The following IPCEF1 variants were observed in gnomAD, a reference collection of about 807,000 sequenced individuals.
IPCEF1 encodes interaction protein for cytohesin exchange factors 1, also known as interactor protein for cytohesin exchange factors 1.
Under a neutral mutation model 50.9 loss-of-function variants are expected in IPCEF1, and 31 were observed. The ratio of observed to expected loss-of-function variants is 0.61; its 90% CI spans 0.46 to 0.82. The LOEUF is 0.82. Among genes scored for constraint, IPCEF1 ranks in the 40% least tolerant of loss-of-function variants. The pLI, the probability that IPCEF1 is intolerant of heterozygous loss-of-function variation, is 0.00. For synonymous variants in IPCEF1, 181 were observed against 192.0 expected, an observed-to-expected ratio of 0.94 and a Z score of 0.47; for missense variants, 458 against 514.0, an observed-to-expected ratio of 0.89 and a Z score of 1.05.
At chr6:154,235,514 A>G (rs1780049136) in intron 5 of IPCEF1, among the ~76,000 whole-genome samples, 1 of 144,464 alleles carries the variant, frequency 6.9e-6, no homozygotes. Flanking sequence ...CTGGGCGACA[A>G]GAGCAAAACT....
At chr6:154,180,415 T>TATATATA (rs1491475267) in intron 10 of IPCEF1, among the ~76,000 whole-genome samples, 108 of 29,328 alleles carry the variant, frequency 3.7e-3, no homozygotes, top group African/African-American at 0.014. Context: ...TATATATATA[T>TATATATA]TTTTTTTTTA....
chr6:154,275,382 T>C (rs1333335052), intron 2 of IPCEF1, among the ~76,000 whole-genome samples: 2 of 152,176 alleles, frequency 1.3e-5, no homozygotes, highest in Non-Finnish European at 2.9e-5. Flanking sequence ...CTACAGTCTG[T>C]TCCATGAGCA....
At chr6:154,242,674 G>A (rs908869363) in intron 5 of IPCEF1, among the ~76,000 whole-genome samples, 13 of 152,170 alleles carry the variant, frequency 8.5e-5, no homozygotes, top group African/African-American at 2.9e-4. Context: ...ATCACTTGAG[G>A]TCAGGAGTTC....
chr6:154,319,750 A>G (rs1326086484), intron 1 of IPCEF1, among the ~76,000 whole-genome samples: 2 of 152,256 alleles, frequency 1.3e-5, no homozygotes, highest in African/African-American at 4.8e-5. Context: ...CTTCAAGATT[A>G]GCAAGATCGT....
At position 154,223,188 on chromosome 6, in the gene IPCEF1, G is replaced by A. The variant is rs771326743; in HGVS notation, c.302C>T (p.Ser101Phe). 2 of 1,613,634 alleles carry A rather than the reference G, an allele frequency of 1.2e-6. No individual in the cohort carries two copies. The highest frequency in any genetic ancestry group is 1.7e-6 in the Non-Finnish European group (2 of 1,179,862). ...NLPDFTVERA[S>F]ECKKKHAFKI... ...AACTTACTGCTTTTTCTTGCATTCAGATGCTCTTTCCACAGTGAAATCAGG... is the reference window on the plus strand; with the variant it reads ...AACTTACTGCTTTTTCTTGCATTCAAATGCTCTTTCCACAGTGAAATCAGG... Residue 101 changes from serine (S) to phenylalanine (F), a missense_variant, in exon 6 of 12, where the codon TCT (serine) becomes TTT (phenylalanine). Physicochemically the swap from Ser to Phe is radical, Grantham distance 155 (BLOSUM62 -2). Coordinates refer to ENST00000367220, the MANE Select transcript of IPCEF1 (RefSeq NM_001130700.2).
chr6:154,351,400 C>A (rs1230460774), intron 1 of IPCEF1, among the ~76,000 whole-genome samples: 1 of 152,118 alleles, frequency 6.6e-6, no homozygotes, highest in Non-Finnish European at 1.5e-5. Context: ...TACGTGGTAC[C>A]ACCTGACTGC....
In IPCEF1 at chr6:154,299,929, T is replaced by A. The variant is rs1229356195; in HGVS notation, c.-61-10173A>T. On this transcript the variant is annotated intron_variant, in intron 1 of 11. Coordinates refer to ENST00000367220, the MANE Select transcript of IPCEF1 (RefSeq NM_001130700.2). ...AAAACTGTGAATCTATACTCTTCAATTTTGCAAAAATTTAGCAATTCTGTG... is the reference window on the plus strand; with the variant it reads ...AAAACTGTGAATCTATACTCTTCAAATTTGCAAAAATTTAGCAATTCTGTG... 3.6e-5 allele frequency among the ~76,000 whole-genome samples: 5 copies of A among 140,548 alleles called. 2 individuals are homozygous for A. Among genetic ancestry groups the A allele is most frequent in the Non-Finnish European group, 8.0e-5 (5 of 62,706 alleles). 92.2% of individuals were successfully genotyped at this position (140,548 alleles called of 152,430 possible).
At chr6:154,240,148 A>G (rs539411889) in intron 5 of IPCEF1, among the ~76,000 whole-genome samples, 6 of 152,370 alleles carry the variant, frequency 3.9e-5, no homozygotes, top group Admixed American at 3.3e-4. Context: ...TCAGTGTTCA[A>G]TAATAATGCT....
intron 1 of IPCEF1, among the ~76,000 whole-genome samples, chr6:154,318,807 A>T (rs576413114): frequency 6.6e-6 from 1 of 152,070 alleles, no homozygotes; most frequent in African/African-American, 2.4e-5. Flanking sequence ...CCCTCATTCC[A>T]TCCATACACA....
chr6:154,168,033 C>A lies in IPCEF1; in HGVS notation c.991G>T (p.Asp331Tyr). 1.9e-6 allele frequency: 3 copies of A among 1,610,966 alleles called. No homozygotes were observed. The highest frequency in any genetic ancestry group is 2.5e-6 in the Non-Finnish European group (3 of 1,177,658). The change falls in exon 11 of 12, where the codon GAC becomes TAC. Residue 331 changes from aspartate to tyrosine, a missense_variant. Transcript: ENST00000367220. The surrounding 1 kb of genome is among the most constrained non-coding windows in gnomAD (Gnocchi z 4.1). ...LEQASLSPLG[D>Y]RRPSTKKELR... ...TCCTTTTTAGTCGAAGGTCGTCGGT[C>A]CCCAAGAGGAGATAGACTAGCTTGC...
At chr6:154,252,568 G>A (rs537717340) in intron 3 of IPCEF1, among the ~76,000 whole-genome samples, 21 of 152,152 alleles carry the variant, frequency 1.4e-4, no homozygotes, top group Non-Finnish European at 2.2e-4. Flanking sequence ...CCAGCTACTC[G>A]GGAGACTGAG....
chr6:154,192,276 G>T (rs1246753960), intron 10 of IPCEF1, among the ~76,000 whole-genome samples: 1 of 151,172 alleles, frequency 6.6e-6, no homozygotes, highest in Non-Finnish European at 1.5e-5. Flanking sequence ...TAATTTGCTG[G>T]CTGATTTCTG....
At chr6:154,314,748 TA>T in intron 1 of IPCEF1, among the ~76,000 whole-genome samples, 2 of 152,292 alleles carry the variant, frequency 1.3e-5, no homozygotes, top group East Asian at 3.9e-4. Context: ...TGAGATAAGA[TA>T]AAAACCACAA....
chr6:154,276,729 C>T (rs535994044), intron 2 of IPCEF1, among the ~76,000 whole-genome samples: 1 of 152,246 alleles, frequency 6.6e-6, no homozygotes, highest in East Asian at 1.9e-4. Flanking sequence ...TAGAAGCAGG[C>T]TTTTATTTTC....
chr6:154,226,057 T>G (rs1779224666), intron 5 of IPCEF1, among the ~76,000 whole-genome samples: 1 of 152,226 alleles, frequency 6.6e-6, no homozygotes, highest in Non-Finnish European at 1.5e-5. Flanking sequence ...TAACTATGCC[T>G]TCTTCTCTTT....
intron 11 of IPCEF1, among the ~76,000 whole-genome samples, chr6:154,161,863 C>T (rs1199179322): frequency 6.6e-6 from 1 of 152,206 alleles, no homozygotes; most frequent in African/African-American, 2.4e-5. Context: ...TTCACAACCA[C>T]TGCCAGTAAG....
chr6:154,288,859 T>G (rs1159581846), intron 2 of IPCEF1, among the ~76,000 whole-genome samples: 2 of 151,594 alleles, frequency 1.3e-5, no homozygotes, highest in East Asian at 3.9e-4. Flanking sequence ...AGGCCAGGAG[T>G]GAGAGATCAG....
At chr6:154,274,602 T>G (rs1782007935) in intron 2 of IPCEF1, among the ~76,000 whole-genome samples, 1 of 152,244 alleles carries the variant, frequency 6.6e-6, no homozygotes, top group Non-Finnish European at 1.5e-5. Flanking sequence ...CATGCCCCTC[T>G]TGGAGGTACA....
At chr6:154,249,679 A>G (rs1781288532) in intron 3 of IPCEF1, among the ~76,000 whole-genome samples, 1 of 152,098 alleles carries the variant, frequency 6.6e-6, no homozygotes, top group South Asian at 2.1e-4. Context: ...TGCTCCTTCC[A>G]TCGCTCCCAG....
Sources: gnomAD v4.1 joint callset for allele counts (sites outside exome capture counted in the v4.1 genomes callset) on GRCh38, gnomAD v4.1.1 for gene constraint, Gnocchi (gnomAD v3.1) non-coding constraint, MANE v1.5 for transcripts, NCBI Gene and HGNC (gene_info 2026-07-23, HGNC 2026-07-21) for gene names.